The following DNAH11 variants were observed in gnomAD, a reference collection of about 807,000 sequenced individuals.
The protein encoded by DNAH11 is dynein axonemal heavy chain 11.
Under a neutral mutation model 526.0 loss-of-function variants are expected in DNAH11, and 442 were observed. The observed-to-expected ratio is 0.84, with a 90% CI of 0.78 to 0.91. DNAH11 has a LOEUF of 0.91. DNAH11 is among the 40% of genes least tolerant of loss of function. The pLI is 0.00. For missense variants in DNAH11, 6,989 were observed against 5,448.7 expected, an observed-to-expected ratio of 1.28 and a Z score of -8.90; for synonymous variants, 2,461 against 1,935.9, an observed-to-expected ratio of 1.27 and a Z score of -7.12.
chr7:21,606,492 C>G lies in DNAH11; in HGVS notation c.3715C>G (p.Leu1239Val). The G allele has an allele frequency of 3.1e-6, 5 of 1,611,358 alleles. No individual in the cohort carries two copies. The highest frequency in any genetic ancestry group is 2.7e-5 in the African/African-American group (2 of 74,910). ...AACTGTCAGACATGAAGTCTCACCT[C>G]TCCATAATGCGGAAGTCACTCTTAT... ...AATVRHEVSPLHNAEVTLIRK... is the reference protein window; with the variant it reads ...AATVRHEVSPVHNAEVTLIRK... Residue 1239 changes from leucine (L) to valine (V), a missense_variant, in exon 19 of 82, where the codon CTC becomes GTC. Transcript: ENST00000409508.
At chr7:21,853,851 G>A (rs1782731131) in intron 67 of DNAH11, among the ~76,000 whole-genome samples, 1 of 152,188 alleles carries the variant, frequency 6.6e-6, no homozygotes, top group South Asian at 2.1e-4. Flanking sequence ...CTATATTAAG[G>A]CTTTTTAGTA....
chr7:21,631,514 G>T (rs1786608926), intron 25 of DNAH11, among the ~76,000 whole-genome samples: 1 of 152,188 alleles, frequency 6.6e-6, no homozygotes, highest in South Asian at 2.1e-4. Context: ...TAAAATGGGG[G>T]TACAGCTATT....
rs1187709592 is a variant in DNAH11 at position 21,733,406 on chromosome 7, G to A, written c.7441-2234G>A. Among the ~76,000 whole-genome samples the A allele has an allele frequency of 3.9e-5, 6 of 152,040 alleles. No individual in the cohort carries two copies. In the East Asian group the frequency reaches 1.2e-3, roughly 29 times the overall value. On this transcript the variant is annotated intron_variant, in intron 45 of 81. Coordinates refer to ENST00000409508, the MANE Select transcript of DNAH11 (RefSeq NM_001277115.2). The stretch of plus-strand genomic sequence containing the variant: ...TCCATCTCAAAAAAAAAGAAGCAGG[G>A]AAATGGGGGTCCCAAGAGCCAAAAG...
chr7:21,742,616 T>C (rs1358242869), intron 49 of DNAH11, among the ~76,000 whole-genome samples: 1 of 152,114 alleles, frequency 6.6e-6, no homozygotes, highest in Non-Finnish European at 1.5e-5. Flanking sequence ...CAACCTGAGA[T>C]TTGGAGGGGG....
chr7:21,676,557 A>G (rs1583584909), intron 30 of DNAH11, among the ~76,000 whole-genome samples: 1 of 152,240 alleles, frequency 6.6e-6, no homozygotes, highest in Non-Finnish European at 1.5e-5. Flanking sequence ...ACAGTATAAG[A>G]TCCCCAGCAT....
chr7:21,832,139 C>A (rs1781810253), intron 65 of DNAH11, among the ~76,000 whole-genome samples: 1 of 151,784 alleles, frequency 6.6e-6, no homozygotes, highest in South Asian at 2.1e-4. Flanking sequence ...ATTGTGAGAA[C>A]CTCATGCTTC....
rs1429908774 is a variant in DNAH11, at chr7:21,611,964, C to T, written c.3853-3150C>T. ...TGCCAAATTTGCTTCTTAGAAAAGA[C>T]TAACTCTATGGACAAACCTCTGGTG... is the stretch of plus-strand genomic sequence containing the variant. On this transcript the variant is annotated intron_variant, in intron 20 of 81. Transcript: ENST00000409508. 2.0e-5 allele frequency among the ~76,000 whole-genome samples: 3 copies of T among 152,074 alleles called. No individual in the cohort carries two copies. The East Asian group carries it at 5.8e-4, about 29-fold the overall frequency.
chr7:21,789,809 T>TTTCTTTTTTCTTTCTTTCTTTCTTTC (rs1788375105), intron 61 of DNAH11, among the ~76,000 whole-genome samples: 6 of 19,490 alleles, frequency 3.1e-4, no homozygotes, highest in African/African-American at 5.8e-4. Flanking sequence ...TTCTTTCTTT[T>TTTCTTTTTTCTTTCTTTCTTTCTTTC]TTCTTTCTTT....
chr7:21,643,599 T>C (rs1466798478), intron 28 of DNAH11, among the ~76,000 whole-genome samples: 1 of 152,222 alleles, frequency 6.6e-6, no homozygotes, highest in Admixed American at 6.5e-5. Flanking sequence ...TTGTAATGAA[T>C]TGCAATTGAT....
intron 32 of DNAH11, among the ~76,000 whole-genome samples, chr7:21,685,922 C>G (rs1045663476): frequency 6.6e-6 from 1 of 152,186 alleles, no homozygotes; most frequent in Non-Finnish European, 1.5e-5. Context: ...CTTGGCAACT[C>G]CTGACTGAAA....
chr7:21,655,732 C>T, intron 28 of DNAH11, 100 bp from the exon 29 acceptor site: 2 of 1,222,166 alleles, frequency 1.6e-6, no homozygotes, highest in Non-Finnish European at 1.1e-6. Flanking sequence ...ACAACTCTAA[C>T]TCCATAACGT....
chr7:21,884,434 G>C (rs779695677), intron 76 of DNAH11, 24 bp downstream of exon 76: 2 of 1,582,934 alleles, frequency 1.3e-6, no homozygotes, highest in Non-Finnish European at 1.7e-6. Context: ...AAATTAATTT[G>C]TAAATAAATT....
chr7:21,768,554 C>T (rs1051677700), intron 55 of DNAH11, among the ~76,000 whole-genome samples: 1 of 152,076 alleles, frequency 6.6e-6, no homozygotes, highest in East Asian at 1.9e-4. Context: ...GTTGACCAAC[C>T]GATGAGTTAA....
chr7:21,560,375 CA>C (rs1468449625), intron 4 of DNAH11, among the ~76,000 whole-genome samples: 24 of 152,208 alleles, frequency 1.6e-4, no homozygotes, highest in African/African-American at 5.8e-4. Context: ...CACAGGATCA[CA>C]AGGTAAAATT....
At chr7:21,567,339 TATTG>T (rs2128434898) in intron 6 of DNAH11, among the ~76,000 whole-genome samples, 1 of 152,330 alleles carries the variant, frequency 6.6e-6, no homozygotes, top group Admixed American at 6.5e-5. Context: ...TTCATGAATT[TATTG>T]ATAAAGTTTT....
chr7:21,784,510 T>C lies in DNAH11; in HGVS notation c.9567T>C (p.Ala3189=), dbSNP rs1482873098. The part of the protein sequence containing the change: ...DLLKAEPALV[A]ATAALNTLNR... The stretch of plus-strand genomic sequence containing the variant: ...TCAAGGCTGAGCCTGCACTGGTGGC[T>C]GCTACAGCTGCACTCAATACACTCA... Residue 3189 remains alanine (A), a synonymous_variant, in exon 58 of 82, where the codon GCT becomes GCC. Transcript: ENST00000409508. 1 of 1,612,986 alleles carries C rather than the reference T, an allele frequency of 6.2e-7. No homozygotes were observed. The highest frequency in any genetic ancestry group is 1.7e-5 in the Admixed American group (1 of 59,882).
intron 20 of DNAH11, among the ~76,000 whole-genome samples, chr7:21,613,934 ATT>A (rs575437991): frequency 1.4e-5 from 2 of 142,778 alleles, no homozygotes. Context: ...TGCCCAGCTA[ATT>A]TTTTTTTTTT....
At chr7:21,793,266 A>G (rs1788553408) in intron 61 of DNAH11, among the ~76,000 whole-genome samples, 1 of 152,040 alleles carries the variant, frequency 6.6e-6, no homozygotes, top group African/African-American at 2.4e-5. Context: ...ATTTGTAGAG[A>G]CCTGTTTTGT....
At chr7:21,806,704 G>C (rs1789277118) in intron 62 of DNAH11, among the ~76,000 whole-genome samples, 1 of 152,118 alleles carries the variant, frequency 6.6e-6, no homozygotes, top group East Asian at 1.9e-4. Flanking sequence ...CTATTAATTT[G>C]CATGTTCTTA....
Sources: gnomAD v4.1 joint callset for allele counts (sites outside exome capture counted in the v4.1 genomes callset) on GRCh38, gnomAD v4.1.1 for gene constraint, MANE v1.5 for transcripts, NCBI Gene and HGNC (gene_info 2026-07-23, HGNC 2026-07-21) for gene names.